RFX3: variants seen among roughly 807,000 people sequenced by gnomAD.
RFX3 encodes the protein regulatory factor X3.
A neutral mutation model predicts 98.6 loss-of-function variants in RFX3; 14 were observed. The observed-to-expected ratio is 0.14, with a 90% CI of 0.09 to 0.22. The LOEUF (loss-of-function observed/expected upper bound fraction) is 0.22. RFX3 is among the 10% of genes least tolerant of loss of function. The pLI, the probability that RFX3 is intolerant of heterozygous loss-of-function variation, is 1.00. For synonymous variants in RFX3, 383 were observed against 328.4 expected, an observed-to-expected ratio of 1.17 and a Z score of -1.80; for missense variants, 639 against 926.9, an observed-to-expected ratio of 0.69 and a Z score of 4.03.
At chr9:3,437,423 T>C (rs1845231890) in intron 1 of RFX3, among the ~76,000 whole-genome samples, 1 of 152,090 alleles carries the variant, frequency 6.6e-6, no homozygotes, top group South Asian at 2.1e-4. Context: ...TTTTAAGAGC[T>C]AGACTTAGAA....
intron 3 of RFX3, among the ~76,000 whole-genome samples, chr9:3,340,276 G>A (rs1210268432): frequency 6.6e-6 from 1 of 152,158 alleles, no homozygotes; most frequent in African/African-American, 2.4e-5. Context: ...AGACTTAAAT[G>A]TTAGACCTAA....
At chr9:3,521,901 T>C (rs1256079926) in intron 1 of RFX3, among the ~76,000 whole-genome samples, 2 of 152,168 alleles carry the variant, frequency 1.3e-5, no homozygotes, top group African/African-American at 2.4e-5. Context: ...TTTTTCTGGA[T>C]TCAAAGGGAA....
At chr9:3,237,491 G>C (rs1300124566) in intron 15 of RFX3, among the ~76,000 whole-genome samples, 1 of 152,054 alleles carries the variant, frequency 6.6e-6, no homozygotes, top group Non-Finnish European at 1.5e-5. Context: ...TTATTACTTG[G>C]ATAGTCAATG....
In RFX3 at chr9:3,347,304, G is replaced by C. The variant is rs188011671; in HGVS notation, c.118-540C>G. Among the ~76,000 whole-genome samples the C allele has an allele frequency of 1.2e-4, 18 of 151,236 alleles. No individual in the cohort carries two copies. In the East Asian group the frequency reaches 2.4e-3, roughly 20 times the overall value. ...CCACTGCGCTCCAGCCTGGGTGACA[G>C]AGTGAGATTCTGTCTCAAAAAAAAA... On this transcript the variant is annotated intron_variant, in intron 2 of 16. Transcript: ENST00000617270.
chr9:3,353,826 C>A (rs7022682), intron 2 of RFX3, among the ~76,000 whole-genome samples: 18,792 of 151,848 alleles, frequency 0.12, 2,185 homozygotes, highest in African/African-American at 0.3. Context: ...GGAAGTGTGA[C>A]CTGTAATCAG....
At chr9:3,406,809 T>C (rs565384831) in intron 1 of RFX3, among the ~76,000 whole-genome samples, 112 of 152,340 alleles carry the variant, frequency 7.4e-4, no homozygotes, top group African/African-American at 2.4e-3. Flanking sequence ...CAATTTCTAT[T>C]ACAATGGAAT....
intron 1 of RFX3, among the ~76,000 whole-genome samples, chr9:3,502,368 G>T (rs912224137): frequency 1.2e-4 from 18 of 151,978 alleles, no homozygotes; most frequent in African/African-American, 4.4e-4. Flanking sequence ...AATAATTGAG[G>T]ATAATGAAAA....
At chr9:3,505,545 A>G (rs1817001987) in intron 1 of RFX3, among the ~76,000 whole-genome samples, 1 of 148,454 alleles carries the variant, frequency 6.7e-6, no homozygotes, top group African/African-American at 2.5e-5. Flanking sequence ...GTAAAGAGAA[A>G]GGCAGAAAGT....
At chr9:3,467,267 C>CATACATATATATACATATATATGTAT (rs1564139643) in intron 1 of RFX3, among the ~76,000 whole-genome samples, 1 of 142,424 alleles carries the variant, frequency 7.0e-6, no homozygotes, top group African/African-American at 2.6e-5. Context: ...TATATATGTA[C>CATACATATATATACATATATATGTAT]ATACATACAT....
intron 1 of RFX3, among the ~76,000 whole-genome samples, chr9:3,450,395 T>C (rs1052324722): frequency 6.6e-6 from 1 of 152,088 alleles, no homozygotes; most frequent in Non-Finnish European, 1.5e-5. Context: ...TTTTTTGCTA[T>C]TTTTTTGTTT....
chr9:3,232,550 G>A (rs1159246124), intron 15 of RFX3, among the ~76,000 whole-genome samples: 1 of 152,100 alleles, frequency 6.6e-6, no homozygotes, highest in Non-Finnish European at 1.5e-5. Flanking sequence ...ATCCCACCTG[G>A]TATAGTGCCT....
intron 1 of RFX3, among the ~76,000 whole-genome samples, chr9:3,427,051 T>A (rs771277672): frequency 6.6e-6 from 1 of 151,794 alleles, no homozygotes; most frequent in Non-Finnish European, 1.5e-5. Flanking sequence ...AATTTGTTTG[T>A]TTAAGTCCTT....
intron 1 of RFX3, among the ~76,000 whole-genome samples, chr9:3,414,525 G>A (rs1009231933): frequency 3.8e-4 from 56 of 147,470 alleles, no homozygotes; most frequent in African/African-American, 1.3e-3. Flanking sequence ...ATATATATAT[G>A]TGTGTGTGTG....
At chr9:3,247,510 A>G in intron 15 of RFX3, 1 of 798,044 alleles carries the variant, frequency 1.3e-6, no homozygotes. Flanking sequence ...AAAGACTTGC[A>G]TTAAGTGCTT....
intron 15 of RFX3, among the ~76,000 whole-genome samples, chr9:3,233,335 A>G (rs987377202): frequency 6.6e-6 from 1 of 152,204 alleles, no homozygotes; most frequent in Non-Finnish European, 1.5e-5. Context: ...TAGTATCTAT[A>G]CCTGAGCATA....
chr9:3,350,492 G>GA (rs1364945857), intron 2 of RFX3, among the ~76,000 whole-genome samples: 5 of 152,124 alleles, frequency 3.3e-5, no homozygotes, highest in Non-Finnish European at 5.9e-5. Context: ...AGACACTTGG[G>GA]AAGGCACGTT....
intron 15 of RFX3, among the ~76,000 whole-genome samples, chr9:3,229,153 T>C (rs1334675597): frequency 1.3e-5 from 2 of 152,204 alleles, no homozygotes; most frequent in Non-Finnish European, 2.9e-5. Context: ...ATTTTACCTT[T>C]TATTATTTCA....
At chr9:3,287,292 C>T (rs910582120) in intron 7 of RFX3, among the ~76,000 whole-genome samples, 2 of 151,884 alleles carry the variant, frequency 1.3e-5, no homozygotes, top group South Asian at 2.1e-4. Flanking sequence ...TATGCAGAGG[C>T]CTCCTTTCTC....
intron 11 of RFX3, among the ~76,000 whole-genome samples, chr9:3,266,877 T>C (rs1823712249): frequency 6.6e-6 from 1 of 152,080 alleles, no homozygotes; most frequent in African/African-American, 2.4e-5. Flanking sequence ...TTATTTTCCA[T>C]TTCATTTGGC....
Sources: allele counts gnomAD v4.1 joint callset (sites outside exome capture counted in the v4.1 genomes callset), GRCh38; gene constraint gnomAD v4.1.1; transcripts MANE v1.5; gene names NCBI Gene and HGNC (gene_info 2026-07-23, HGNC 2026-07-21).